Variants in MAS1 observed in about 807,000 individuals in gnomAD.
The protein encoded by MAS1 is proto-oncogene Mas.
For synonymous variants in MAS1, 163 were observed against 164.2 expected, an observed-to-expected ratio of 0.99 and a Z score of 0.05; for missense variants, 387 against 409.7, an observed-to-expected ratio of 0.94 and a Z score of 0.48.
intron 1 of MAS1, among the ~76,000 whole-genome samples, 184 bp from the exon 2 acceptor site, chr6:159,899,002 C>G (rs1782793891): frequency 6.6e-6 from 1 of 152,144 alleles, no homozygotes; most frequent in Non-Finnish European, 1.5e-5. Context: ...AACGGTGGCT[C>G]TGAGCCTGGC....
chr6:159,914,806 T>C lies in MAS1; in HGVS notation c.*6873T>C, dbSNP rs1248651270. ...CTGTGGGACGGGGCCAGAGTGGGTG[T>C]CCCATGAAGATGACCAGATCAGTGG... is the stretch of plus-strand genomic sequence containing the variant. On this transcript the variant is annotated 3_prime_UTR_variant, in exon 3 of 3. Coordinates refer to ENST00000674077, the MANE Select transcript of MAS1 (RefSeq NM_002377.4). 6.6e-6 allele frequency: 1 copy of C among 152,286 alleles called. No homozygotes were observed. Among genetic ancestry groups the C allele is most frequent in the Non-Finnish European group, 1.5e-5 (1 of 68,100 alleles). 9.4% of individuals were successfully genotyped at this position (152,286 alleles called of 1,614,324 possible).
intron 2 of MAS1, among the ~76,000 whole-genome samples, chr6:159,903,146 A>G: frequency 6.6e-6 from 1 of 151,934 alleles, no homozygotes; most frequent in Non-Finnish European, 1.5e-5. Context: ...ATTCCCTGAC[A>G]CCGCTGGGAC....
rs1000876187 is a variant in MAS1 at position 159,917,086 on chromosome 6, C to T, written c.*9153C>T. On this transcript the variant is annotated 3_prime_UTR_variant, in exon 3 of 3. Coordinates refer to ENST00000674077, the MANE Select transcript of MAS1 (RefSeq NM_002377.4). ...TCCAGCCTGGAGTGTTTTGGGAATT[C>T]CCCATTCTGAAATGGTCTCCAGTGT... 6.6e-6 allele frequency among the ~76,000 whole-genome samples: 1 copy of T among 152,154 alleles called. No homozygotes were observed. The highest frequency in any genetic ancestry group is 1.5e-5 in the Non-Finnish European group (1 of 68,022).
chr6:159,894,418 C>CAAAAAAAAAA (rs5881344), intron 1 of MAS1, among the ~76,000 whole-genome samples: 11 of 79,132 alleles, frequency 1.4e-4, no homozygotes, highest in African/African-American at 5.3e-4. Flanking sequence ...GACCCTGTCT[C>CAAAAAAAAAA]AAAAAAAAAA....
At chr6:159,902,855 A>G (rs1782838620) in intron 2 of MAS1, among the ~76,000 whole-genome samples, 1 of 152,148 alleles carries the variant, frequency 6.6e-6, no homozygotes, top group Non-Finnish European at 1.5e-5. Flanking sequence ...CACCTGGATT[A>G]CAGCCACGTT....
chr6:159,905,991 A>G (rs575340744), intron 2 of MAS1, among the ~76,000 whole-genome samples: 3 of 152,082 alleles, frequency 2.0e-5, no homozygotes, highest in Non-Finnish European at 2.9e-5. Flanking sequence ...GCAGTGAGCT[A>G]ACATCTCACC....
intron 2 of MAS1, among the ~76,000 whole-genome samples, chr6:159,901,311 G>C (rs1450592828): frequency 6.6e-6 from 1 of 152,192 alleles, no homozygotes; most frequent in Non-Finnish European, 1.5e-5. Context: ...CAGTCAATAA[G>C]ATAGAATTTT....
In MAS1 at chr6:159,915,343, A is replaced by T. The variant is rs975898408; in HGVS notation, c.*7410A>T. ...TGCCCCATAAACCTATAAATCCCAA[A>T]TTTATTTATAATAGACAATCTTGAC... is the stretch of plus-strand genomic sequence containing the variant. On this transcript the variant is annotated 3_prime_UTR_variant, in exon 3 of 3. Transcript: ENST00000674077. 2 of 152,180 alleles carry T rather than the reference A, an allele frequency of 1.3e-5. No homozygotes were observed. Among genetic ancestry groups the T allele is most frequent in the Non-Finnish European group, 2.9e-5 (2 of 68,030 alleles). The allele number at this position is 152,180 out of a possible 1,614,324, so 9.4% of individuals were successfully genotyped here. A position where few individuals can be genotyped will look rare whatever the true frequency, so the allele number is the denominator to read the frequency against.
rs554553025 is a variant in MAS1 at position 159,917,047 on chromosome 6, C to T, written c.*9114C>T. On this transcript the variant is annotated 3_prime_UTR_variant, in exon 3 of 3. Coordinates refer to ENST00000674077, the MANE Select transcript of MAS1 (RefSeq NM_002377.4). ...GGTGGCAGCCAGATTTGGTAGTGGC[C>T]GGACTTTGCCACCTCCAGCCTGGAG... 9.1e-4 allele frequency among the ~76,000 whole-genome samples: 139 copies of T among 152,328 alleles called. No homozygotes were observed. Among genetic ancestry groups the T allele is most frequent in the Non-Finnish European group, 1.6e-3 (111 of 68,030 alleles).
chr6:159,914,167 A>C lies in MAS1; in HGVS notation c.*6234A>C, dbSNP rs1394916622. ...TTTTCCAAATGTCATTTAGTTTTCTATCTGTACTTTTTGTGATTCTCTGAA... is the reference window on the plus strand; with the variant it reads ...TTTTCCAAATGTCATTTAGTTTTCTCTCTGTACTTTTTGTGATTCTCTGAA... On this transcript the variant is annotated 3_prime_UTR_variant, in exon 3 of 3. Coordinates refer to ENST00000674077, the MANE Select transcript of MAS1 (RefSeq NM_002377.4). The C allele has an allele frequency of 6.6e-6, 1 of 152,180 alleles. No homozygotes were observed. Among genetic ancestry groups the C allele is most frequent in the Non-Finnish European group, 1.5e-5 (1 of 68,028 alleles). The allele number at this position is 152,180 out of a possible 1,614,324, so 9.4% of individuals were successfully genotyped here.
In MAS1 at chr6:159,907,533, T is replaced by A; in HGVS notation, c.578T>A (p.Ile193Asn). Reference protein sequence around the residue: ...DCRAVIIFIAILSFLVFTPLM... With the variant: ...DCRAVIIFIANLSFLVFTPLM... The stretch of plus-strand genomic sequence containing the variant: ...CGAGCAGTCATCATCTTTATAGCCA[T>A]CCTGAGCTTCCTGGTCTTCACGCCC... The change falls in exon 3 of 3, where the codon ATC becomes AAC. Residue 193 changes from isoleucine to asparagine, a missense_variant. Ile to Asn is a moderately radical substitution (Grantham distance 149). Transcript: ENST00000674077. The A allele has an allele frequency of 6.2e-7, 1 of 1,614,088 alleles. No individual in the cohort carries two copies. The highest frequency in any genetic ancestry group is 8.5e-7 in the Non-Finnish European group (1 of 1,180,016).
intron 1 of MAS1, among the ~76,000 whole-genome samples, chr6:159,891,561 A>G (rs1043537125): frequency 2.0e-5 from 3 of 152,206 alleles, no homozygotes; most frequent in Admixed American, 2.0e-4. Flanking sequence ...ATTCCTCTGG[A>G]GAAATCACTT....
intron 1 of MAS1, among the ~76,000 whole-genome samples, chr6:159,896,936 C>A (rs190615611): frequency 6.6e-6 from 1 of 152,016 alleles, no homozygotes; most frequent in East Asian, 1.9e-4. Flanking sequence ...TGCAGTGGCT[C>A]GTTCTTGGCT....
At chr6:159,895,355 A>G (rs1782744165) in intron 1 of MAS1, among the ~76,000 whole-genome samples, 1 of 152,210 alleles carries the variant, frequency 6.6e-6, no homozygotes, top group African/African-American at 2.4e-5. Flanking sequence ...GATTTTTTCA[A>G]GCTCTAAGTC....
intron 1 of MAS1, among the ~76,000 whole-genome samples, chr6:159,894,996 T>C (rs933310993): frequency 2.6e-5 from 4 of 152,214 alleles, no homozygotes; most frequent in African/African-American, 9.7e-5. Flanking sequence ...ATAAATAAGA[T>C]CCATCCTTTG....
Position 159,917,123 on chromosome 6 carries a change from G to A in MAS1, c.*9190G>A, listed in dbSNP as rs574169716. ...ATGGTCTCCAGTGTGGCTGCAGCAC[G>A]TCCATTTGACAATCCTGACCTCGGT... On this transcript the variant is annotated 3_prime_UTR_variant, in exon 3 of 3. Transcript: ENST00000674077. 1.6e-4 allele frequency among the ~76,000 whole-genome samples: 25 copies of A among 152,164 alleles called. No individual in the cohort carries two copies. The highest frequency in any genetic ancestry group is 2.9e-4 in the Non-Finnish European group (20 of 68,032).
upstream of MAS1, among the ~76,000 whole-genome samples, chr6:159,890,001 A>G (rs2115104051): frequency 6.6e-6 from 1 of 152,236 alleles, no homozygotes; most frequent in South Asian, 2.1e-4. Flanking sequence ...CCCTTTTGAT[A>G]TAGTTGGTCC....
intron 1 of MAS1, 128 bp from the exon 2 acceptor site, chr6:159,899,058 A>G (rs888467372): frequency 6.6e-6 from 1 of 152,234 alleles, no homozygotes; most frequent in Non-Finnish European, 1.5e-5. Context: ...GGGGGCAATG[A>G]TGTCATCCTT....
chr6:159,900,751 G>A (rs1404040264), intron 2 of MAS1, among the ~76,000 whole-genome samples: 3 of 152,148 alleles, frequency 2.0e-5, no homozygotes, highest in East Asian at 1.9e-4. Context: ...GTTTTCTCTC[G>A]TGGGGAAGCA....
Sources: gnomAD v4.1 joint callset for allele counts (sites outside exome capture counted in the v4.1 genomes callset) on GRCh38, gnomAD v4.1.1 for gene constraint, MANE v1.5 for transcripts, NCBI Gene and HGNC (gene_info 2026-07-23, HGNC 2026-07-21) for gene names.